The following NIPAL2 variants were observed in gnomAD, a reference collection of about 807,000 sequenced individuals.
The protein encoded by NIPAL2 is NIPA-like protein 2.
Under a neutral mutation model 48.9 loss-of-function variants are expected in NIPAL2, and 43 were observed. The ratio of observed to expected loss-of-function variants is 0.88; its 90% CI spans 0.69 to 1.13. The LOEUF (loss-of-function observed/expected upper bound fraction) is 1.13. Ranked by LOEUF, NIPAL2 falls within the 50% of genes most tolerant of loss-of-function variation. The pLI is 0.00. For synonymous variants in NIPAL2, 167 were observed against 174.6 expected (o/e 0.96, Z 0.34); for missense variants, 446 against 461.4 (o/e 0.97, Z 0.31).
At chr8:98,264,475 A>T (rs2130860999) in intron 1 of NIPAL2, among the ~76,000 whole-genome samples, 1 of 150,382 alleles carries the variant, frequency 6.6e-6, no homozygotes, top group African/African-American at 2.4e-5. Flanking sequence ...AAGCATTCTT[A>T]TACACCAGCA....
In NIPAL2 at chr8:98,294,027, C is replaced by T. The variant is rs1215119619; in HGVS notation, c.111G>A (p.Ser37=). The change falls in exon 1 of 11, where the codon TCG becomes TCA. Residue 37 remains serine (S), a synonymous_variant. Transcript: ENST00000430223. Reference sequence around the variant, plus strand: ...CCTGGTTCCTGCGGTACCAGTCGCCCGAGAGGGAGCCGTTGCCGGCGCCTG... The same window carrying T: ...CCTGGTTCCTGCGGTACCAGTCGCCTGAGAGGGAGCCGTTGCCGGCGCCTG... The part of the protein sequence containing the change: ...GAPGAGNGSL[S]GDWYRRNQIH... 1 of 1,496,114 alleles carries T rather than the reference C, an allele frequency of 6.7e-7. No individual in the cohort carries two copies. The highest frequency in any genetic ancestry group is 2.3e-5 in the Admixed American group (1 of 43,846). 92.7% of individuals were successfully genotyped at this position (1,496,114 alleles called of 1,614,324 possible). A position where few individuals can be genotyped will look rare whatever the true frequency, so the allele number is the denominator to read the frequency against.
At chr8:98,253,230 T>C (rs1283190163) in intron 2 of NIPAL2, among the ~76,000 whole-genome samples, 1 of 152,194 alleles carries the variant, frequency 6.6e-6, no homozygotes, top group Admixed American at 6.5e-5. Context: ...AGGAAAAACA[T>C]AGTATATACT....
chr8:98,265,350 C>T (rs1271728816), intron 1 of NIPAL2, among the ~76,000 whole-genome samples: 1 of 144,856 alleles, frequency 6.9e-6, no homozygotes, highest in African/African-American at 2.6e-5. Flanking sequence ...AGGCAACCTA[C>T]AGAATGGGAG....
At chr8:98,212,311 G>T in intron 6 of NIPAL2, 94 bp downstream of exon 6, 1 of 634,862 alleles carries the variant, frequency 1.6e-6, no homozygotes, top group Non-Finnish European at 2.8e-6. Flanking sequence ...TAAACCATGA[G>T]AAAGGAGTAG....
chr8:98,212,160 A>C (rs1306051836), intron 6 of NIPAL2, among the ~76,000 whole-genome samples: 1 of 152,224 alleles, frequency 6.6e-6, no homozygotes, highest in African/African-American at 2.4e-5. Flanking sequence ...ATCAGGGAGC[A>C]AATAAAGTTA....
At chr8:98,231,056 T>G (rs1307667111) in intron 4 of NIPAL2, among the ~76,000 whole-genome samples, 1 of 152,226 alleles carries the variant, frequency 6.6e-6, no homozygotes, top group Non-Finnish European at 1.5e-5. Context: ...GTATGTCTCC[T>G]GGTCAGTGGG....
intron 1 of NIPAL2, among the ~76,000 whole-genome samples, chr8:98,277,991 A>C (rs150976757): frequency 1.3e-5 from 2 of 152,218 alleles, no homozygotes; most frequent in East Asian, 3.9e-4. Flanking sequence ...TCTTTCAATA[A>C]AATTCTTTGA....
intron 4 of NIPAL2, among the ~76,000 whole-genome samples, chr8:98,235,418 A>T (rs956714497): frequency 5.3e-5 from 8 of 152,248 alleles, no homozygotes; most frequent in Non-Finnish European, 1.0e-4. Context: ...TAATAACTGT[A>T]TTTCCAAATA....
intron 3 of NIPAL2, among the ~76,000 whole-genome samples, chr8:98,246,264 G>A (rs1235976102): frequency 1.3e-5 from 2 of 152,058 alleles, no homozygotes; most frequent in African/African-American, 4.8e-5. Context: ...TCAGTTTAGG[G>A]CTTCATAACA....
chr8:98,251,996 T>C (rs1014493730), intron 3 of NIPAL2, among the ~76,000 whole-genome samples: 57 of 151,356 alleles, frequency 3.8e-4, no homozygotes, highest in African/African-American at 1.4e-3. Flanking sequence ...ATTTGTGACA[T>C]TACTGTAAAA....
At position 98,203,142 on chromosome 8, in the gene NIPAL2, A is replaced by G; in HGVS notation, c.846T>C (p.Asn282=). ...TGGCACTGATTGTAAAGAAAATATG[A>G]TTAACTGGCACCACTGTTGTCGTAT... ...LYNTTTVVPV[N]HIFFTISAII... Residue 282 remains asparagine, a synonymous_variant, in exon 8 of 11, where the codon AAT becomes AAC. Coordinates refer to ENST00000430223, the MANE Select transcript of NIPAL2 (RefSeq NM_001321635.2). 1 of 1,614,128 alleles carries G rather than the reference A, an allele frequency of 6.2e-7. No homozygotes were observed. Among genetic ancestry groups the G allele is most frequent in the Non-Finnish European group, 8.5e-7 (1 of 1,179,986 alleles).
At chr8:98,200,139 G>A (rs1427005914) in intron 8 of NIPAL2, among the ~76,000 whole-genome samples, 2 of 152,006 alleles carry the variant, frequency 1.3e-5, no homozygotes, top group African/African-American at 4.8e-5. Context: ...ATTTAGAAAC[G>A]TTGTAGTAAA....
intron 3 of NIPAL2, among the ~76,000 whole-genome samples, chr8:98,240,377 C>T (rs1408649729): frequency 1.3e-5 from 2 of 152,092 alleles, no homozygotes; most frequent in African/African-American, 4.8e-5. Context: ...CCTAAGCACA[C>T]AATAGTCCTA....
At chr8:98,269,734 G>A (rs113210904) in intron 1 of NIPAL2, among the ~76,000 whole-genome samples, 1 of 152,060 alleles carries the variant, frequency 6.6e-6, no homozygotes, top group Non-Finnish European at 1.5e-5. Flanking sequence ...GTGCAGATTT[G>A]TTAGAAGGGT....
In NIPAL2 at chr8:98,280,761, T is replaced by TATATATATATATAGAGAG; in HGVS notation, c.135+13241_135+13242insCTCTCTATATATATATAT. 8.4e-3 allele frequency among the ~76,000 whole-genome samples: 253 copies of TATATATATATATAGAGAG among 29,972 alleles called. 5 individuals carry two copies. Among genetic ancestry groups the TATATATATATATAGAGAG allele is most frequent in the Non-Finnish European group, 0.012 (176 of 14,678 alleles). The allele number at this position is 29,972 out of a possible 152,430, so 19.7% of individuals were successfully genotyped here. On this transcript the variant is annotated intron_variant, in intron 1 of 10. Coordinates refer to ENST00000430223, the MANE Select transcript of NIPAL2 (RefSeq NM_001321635.2). ...CTATATATATATATATATATATATA[T>TATATATATATATAGAGAG]AGAGAGAGAGAGAGAGAGAGAGAGA...
chr8:98,289,114 C>T (rs1055288588), intron 1 of NIPAL2, among the ~76,000 whole-genome samples: 3 of 152,032 alleles, frequency 2.0e-5, no homozygotes, highest in Non-Finnish European at 2.9e-5. Flanking sequence ...TTTAAGAAAC[C>T]CTAAATACTA....
At chr8:98,211,733 A>AGAGTGTGT (rs1554562908) in intron 6 of NIPAL2, among the ~76,000 whole-genome samples, 10 of 109,108 alleles carry the variant, frequency 9.2e-5, no homozygotes, top group African/African-American at 1.5e-4. Context: ...AGAGAGAGAA[A>AGAGTGTGT]GTGTGTGTGT....
chr8:98,236,751 C>T (rs973838492), intron 3 of NIPAL2, among the ~76,000 whole-genome samples: 1 of 143,898 alleles, frequency 6.9e-6, no homozygotes, highest in African/African-American at 2.5e-5. Flanking sequence ...ACTGGGGAGG[C>T]TGAGGTGGGT....
intron 1 of NIPAL2, among the ~76,000 whole-genome samples, chr8:98,279,179 C>T (rs1378864720): frequency 6.6e-6 from 1 of 152,030 alleles, no homozygotes; most frequent in Non-Finnish European, 1.5e-5. Context: ...ATTAACTCCC[C>T]TAATTACTGG....
Sources: allele counts gnomAD v4.1 joint callset (sites outside exome capture counted in the v4.1 genomes callset), GRCh38; gene constraint gnomAD v4.1.1; transcripts MANE v1.5; gene names NCBI Gene and HGNC (gene_info 2026-07-23, HGNC 2026-07-21).